Variants in CATSPERT observed in about 807,000 individuals in gnomAD.
CATSPERT encodes cation channel sperm-associated targeting subunit tau.
chr2:201,543,089 C>T, the CATSPERT span, among the ~76,000 whole-genome samples: 1 of 152,170 alleles, frequency 6.6e-6, no homozygotes, highest in African/African-American at 2.4e-5. Flanking sequence ...GTTTTCCCAA[C>T]ACCATTTGCT....
the CATSPERT span, chr2:201,553,305 T>G: frequency 1.5e-4 from 23 of 152,174 alleles, no homozygotes; most frequent in African/African-American, 5.5e-4. Context: ...TCCGCAAACA[T>G]ATACTTCAAG....
At chr2:201,503,892 AG>A in the CATSPERT span, among the ~76,000 whole-genome samples, 3 of 152,200 alleles carry the variant, frequency 2.0e-5, no homozygotes, top group Admixed American at 6.5e-5. Flanking sequence ...GAGCTTTAGA[AG>A]GGGCTGATTT....
At chr2:201,545,655 A>AT in the CATSPERT span, 1 of 811,952 alleles carries the variant, frequency 1.2e-6, no homozygotes, top group East Asian at 4.3e-5. Context: ...AAAAAAAAAG[A>AT]AAAAAAAATA....
chr2:201,577,821 T>G, the CATSPERT span, among the ~76,000 whole-genome samples: 9 of 152,188 alleles, frequency 5.9e-5, 1 homozygote, highest in Admixed American at 2.0e-4. Context: ...TGGTTAATAG[T>G]AACGTATTGT....
At chr2:201,584,298 T>C in the CATSPERT span, among the ~76,000 whole-genome samples, 1 of 151,308 alleles carries the variant, frequency 6.6e-6, no homozygotes, top group Non-Finnish European at 1.5e-5. Context: ...TCAATAAAAC[T>C]AATAGTAATA....
the CATSPERT span, chr2:201,536,155 T>A: frequency 6.2e-7 from 1 of 1,613,612 alleles, no homozygotes; most frequent in South Asian, 1.1e-5. Flanking sequence ...GGTGGTATTC[T>A]GCCTGCTTTT....
chr2:201,591,541 T>C, the CATSPERT span, among the ~76,000 whole-genome samples: 3 of 152,136 alleles, frequency 2.0e-5, no homozygotes, highest in Non-Finnish European at 4.4e-5. Context: ...GGTAGCTTGA[T>C]GGGGATGGCA....
chr2:201,594,626 T>C, the CATSPERT span, among the ~76,000 whole-genome samples: 1 of 152,130 alleles, frequency 6.6e-6, no homozygotes, highest in Non-Finnish European at 1.5e-5. Context: ...CAATCAGACG[T>C]AGATTTGGTC....
At chr2:201,520,928 A>G in the CATSPERT span, among the ~76,000 whole-genome samples, 3 of 151,914 alleles carry the variant, frequency 2.0e-5, no homozygotes, top group Non-Finnish European at 4.4e-5. Flanking sequence ...CAAAATGGAT[A>G]CCACAGAAAT....
the CATSPERT span, among the ~76,000 whole-genome samples, chr2:201,538,259 A>T: frequency 6.6e-6 from 1 of 152,196 alleles, no homozygotes; most frequent in East Asian, 1.9e-4. Context: ...GGCATCATGC[A>T]ATATTTGTCT....
chr2:201,540,540 G>A, the CATSPERT span, among the ~76,000 whole-genome samples: 2 of 152,154 alleles, frequency 1.3e-5, no homozygotes, highest in Non-Finnish European at 2.9e-5. Context: ...TCTATAAATG[G>A]AACAACAAAG....
the CATSPERT span, among the ~76,000 whole-genome samples, chr2:201,569,321 T>C: frequency 1.3e-5 from 2 of 152,208 alleles, no homozygotes; most frequent in African/African-American, 4.8e-5. Context: ...AGAACTTTTC[T>C]GCTTATACAG....
At chr2:201,554,821 G>C in the CATSPERT span, 2 of 150,662 alleles carry the variant, frequency 1.3e-5, no homozygotes, top group Non-Finnish European at 2.9e-5. Flanking sequence ...TTAAATCCAG[G>C]GCTCTATTTC....
At chr2:201,491,283 CTTTT>C in the CATSPERT span, 3 of 1,537,714 alleles carry the variant, frequency 2.0e-6, no homozygotes, top group Non-Finnish European at 2.6e-6. Context: ...TGTTAAATGA[CTTTT>C]TTGGTTGGGC....
At chr2:201,563,272 G>C in the CATSPERT span, among the ~76,000 whole-genome samples, 1 of 145,452 alleles carries the variant, frequency 6.9e-6, no homozygotes, top group Non-Finnish European at 1.5e-5. Flanking sequence ...CGGCCGGGCA[G>C]AGGCGCCCCT....
the CATSPERT span, chr2:201,582,091 A>G: frequency 4.4e-6 from 7 of 1,599,472 alleles, no homozygotes; most frequent in Non-Finnish European, 3.4e-6. Context: ...CATTTTATAC[A>G]TACCTGAATT....
chr2:201,586,872 T>G, the CATSPERT span, among the ~76,000 whole-genome samples: 6 of 152,112 alleles, frequency 3.9e-5, no homozygotes, highest in Non-Finnish European at 8.8e-5. Context: ...AATTTCTTCC[T>G]CTTGATTTCC....
chr2:201,576,636 C>G, the CATSPERT span, among the ~76,000 whole-genome samples: 14 of 152,318 alleles, frequency 9.2e-5, no homozygotes, highest in Non-Finnish European at 1.9e-4. Flanking sequence ...GCAATATTGA[C>G]TGACTTGTGG....
chr2:201,557,786 C>A, the CATSPERT span: 1 of 152,248 alleles, frequency 6.6e-6, no homozygotes, highest in Non-Finnish European at 1.5e-5. Flanking sequence ...TTTTCCACAT[C>A]AAGCCAACTA....
Sources: gnomAD v4.1 joint callset for allele counts (sites outside exome capture counted in the v4.1 genomes callset) on GRCh38, gnomAD v4.1.1 for gene constraint, MANE v1.5 for transcripts, NCBI Gene and HGNC (gene_info 2026-07-23, HGNC 2026-07-21) for gene names.